EHBP1: variants seen among roughly 807,000 people sequenced by gnomAD.
EHBP1 encodes the protein EH domain binding protein 1.
In EHBP1, 55 loss-of-function variants were observed where a neutral mutation model predicts 144.0. That is an observed-to-expected ratio of 0.38 (90% confidence interval 0.31 to 0.48). EHBP1 has a LOEUF of 0.48. Among genes scored for constraint, EHBP1 ranks in the 20% least tolerant of loss-of-function variants. The probability of loss-of-function intolerance (pLI) is 0.98; values close to 1 mark genes in which losing one functional copy is unlikely to be tolerated. For synonymous variants in EHBP1, 469 were observed against 472.7 expected (o/e 0.99, Z 0.10); for missense variants, 1,200 against 1,364.2 (o/e 0.88, Z 1.90).
chr2:62,995,595 A>C (rs1047631100), intron 18 of EHBP1, among the ~76,000 whole-genome samples: 3 of 152,212 alleles, frequency 2.0e-5, no homozygotes, highest in African/African-American at 7.2e-5. Flanking sequence ...AAGTTTGTTC[A>C]CATTTATTTC....
At chr2:62,978,342 A>G (rs1012100150) in intron 14 of EHBP1, among the ~76,000 whole-genome samples, 1 of 151,842 alleles carries the variant, frequency 6.6e-6, no homozygotes, top group Non-Finnish European at 1.5e-5. Context: ...CTGGGACTAC[A>G]GGCACGTGCC....
At position 63,045,332 on chromosome 2, in the gene EHBP1, C is replaced by A; in HGVS notation, c.3393-78C>A. The A allele has an allele frequency of 6.9e-7, 1 of 1,448,594 alleles. No homozygotes were observed. Among genetic ancestry groups the A allele is most frequent in the Non-Finnish European group, 9.6e-7 (1 of 1,040,218 alleles). The allele number at this position is 1,448,594 out of a possible 1,614,324, so 89.7% of individuals were successfully genotyped here. A position where few individuals can be genotyped will look rare whatever the true frequency, so the allele number is the denominator to read the frequency against. On this transcript the variant is annotated intron_variant, in intron 22 of 22. Transcript: ENST00000431489. This position sits in a 1 kb window ranked among gnomAD's most constrained non-coding sequence, Gnocchi z 5.7. ...TCCCGCTGGGGATCCAAATACTGGG[C>A]GACGGGGGAGTGCTGCTCTGCCCTC...
At chr2:62,730,804 A>G (rs2037469045) in intron 2 of EHBP1, among the ~76,000 whole-genome samples, 1 of 131,920 alleles carries the variant, frequency 7.6e-6, no homozygotes, top group Non-Finnish European at 1.7e-5. Context: ...AGAGATGGAC[A>G]GAGACAGAGA....
intron 10 of EHBP1, among the ~76,000 whole-genome samples, chr2:62,875,735 C>A (rs1360314625): frequency 1.3e-5 from 2 of 152,088 alleles, no homozygotes; most frequent in African/African-American, 4.8e-5. Flanking sequence ...TCCAAGGAAT[C>A]CAGTAAAATG....
intron 5 of EHBP1, among the ~76,000 whole-genome samples, chr2:62,824,176 C>T (rs942729776): frequency 3.3e-5 from 5 of 151,820 alleles, no homozygotes; most frequent in African/African-American, 1.2e-4. Context: ...CATTCTTAAA[C>T]TAAGTTTTCA....
rs534011914 is a variant in EHBP1 at position 62,872,934 on chromosome 2, A to G, written c.999-1412A>G. The stretch of plus-strand genomic sequence containing the variant: ...AAAAGGACCATTCAAAACTTTTATA[A>G]GTAGAGGCTTCTTGTCCTTATTCTG... On this transcript the variant is annotated intron_variant, in intron 9 of 22. Transcript: ENST00000431489. Among the ~76,000 whole-genome samples the G allele has an allele frequency of 2.6e-5, 4 of 152,296 alleles. No individual in the cohort carries two copies. In the East Asian group the frequency reaches 7.7e-4, roughly 29 times the overall value.
At chr2:62,753,506 C>G (rs1227924657) in intron 3 of EHBP1, among the ~76,000 whole-genome samples, 1 of 152,044 alleles carries the variant, frequency 6.6e-6, no homozygotes, top group Non-Finnish European at 1.5e-5. Context: ...TGAGGAGTGT[C>G]TTTGTGGCGT....
intron 10 of EHBP1, among the ~76,000 whole-genome samples, chr2:62,897,642 T>A (rs1327997966): frequency 6.6e-6 from 1 of 152,210 alleles, no homozygotes. Context: ...GCATTTCTCC[T>A]GGTGCAAAAT....
intron 7 of EHBP1, among the ~76,000 whole-genome samples, chr2:62,854,616 C>T (rs1015225472): frequency 6.6e-6 from 1 of 152,162 alleles, no homozygotes; most frequent in African/African-American, 2.4e-5. Flanking sequence ...TCAGAATGCA[C>T]ACATTATTGA....
intron 5 of EHBP1, among the ~76,000 whole-genome samples, chr2:62,780,026 C>G (rs987088020): frequency 1.3e-5 from 2 of 152,050 alleles, no homozygotes; most frequent in Non-Finnish European, 2.9e-5. Flanking sequence ...ACATCATCAG[C>G]TTAAGAACGT....
At chr2:62,726,151 CTAT>C (rs1383583449) in intron 2 of EHBP1, among the ~76,000 whole-genome samples, 1 of 152,268 alleles carries the variant, frequency 6.6e-6, no homozygotes, top group Middle Eastern at 3.4e-3. Flanking sequence ...TGGCTGTGCC[CTAT>C]TACAGATGCT....
chr2:62,879,792 G>C (rs1349551672), intron 10 of EHBP1, among the ~76,000 whole-genome samples: 1 of 151,910 alleles, frequency 6.6e-6, no homozygotes, highest in Non-Finnish European at 1.5e-5. Context: ...AAAGCAATTT[G>C]CAGATTCAAT....
At chr2:62,760,782 TC>T (rs1403014761) in intron 3 of EHBP1, among the ~76,000 whole-genome samples, 2 of 152,210 alleles carry the variant, frequency 1.3e-5, no homozygotes, top group Non-Finnish European at 2.9e-5. Context: ...GTCTGGGCTC[TC>T]CTCCTGGTTG....
chr2:62,702,238 G>C (rs546903488), upstream of EHBP1, among the ~76,000 whole-genome samples: 7 of 152,300 alleles, frequency 4.6e-5, no homozygotes, highest in East Asian at 9.6e-4. Context: ...TTTTAAGCTT[G>C]ATGATATTTA....
At chr2:62,794,289 A>C (rs1481809127) in intron 5 of EHBP1, among the ~76,000 whole-genome samples, 5 of 152,074 alleles carry the variant, frequency 3.3e-5, no homozygotes, top group Non-Finnish European at 7.4e-5. Flanking sequence ...TGCACCCTTA[A>C]ATCAAAATAG....
intron 3 of EHBP1, among the ~76,000 whole-genome samples, chr2:62,750,752 A>C (rs1229406159): frequency 2.0e-5 from 3 of 152,290 alleles, no homozygotes; most frequent in South Asian, 2.1e-4. Context: ...GCAATTGTGA[A>C]TGGGAGTTCC....
intron 10 of EHBP1, among the ~76,000 whole-genome samples, chr2:62,894,927 A>AG (rs71410972): frequency 1.2e-4 from 17 of 141,222 alleles, no homozygotes; most frequent in African/African-American, 1.9e-4. Context: ...AACAGAAAGA[A>AG]AGAGAGAGAG....
intron 7 of EHBP1, among the ~76,000 whole-genome samples, chr2:62,848,227 C>T (rs979929086): frequency 1.3e-5 from 2 of 151,938 alleles, no homozygotes; most frequent in Non-Finnish European, 1.5e-5. Flanking sequence ...TGCAGGTGTC[C>T]ACCACCATGC....
intron 5 of EHBP1, among the ~76,000 whole-genome samples, chr2:62,818,226 C>T (rs1285627509): frequency 3.7e-5 from 5 of 134,470 alleles, no homozygotes; most frequent in African/African-American, 1.4e-4. Flanking sequence ...TTACTCACCA[C>T]TCACTCACTG....
Sources: allele counts gnomAD v4.1 joint callset (sites outside exome capture counted in the v4.1 genomes callset), GRCh38; gene constraint gnomAD v4.1.1; non-coding constraint Gnocchi (gnomAD v3.1); transcripts MANE v1.5; gene names NCBI Gene and HGNC (gene_info 2026-07-23, HGNC 2026-07-21).